The following VPS39 variants were observed in gnomAD, a reference collection of about 807,000 sequenced individuals.
VPS39 encodes the protein vam6/Vps39-like protein.
A neutral mutation model predicts 121.0 loss-of-function variants in VPS39; 70 were observed. That is an observed-to-expected ratio of 0.58 (90% CI 0.48 to 0.71). The LOEUF (loss-of-function observed/expected upper bound fraction) is 0.71. Ranked by LOEUF, VPS39 falls within the 30% of genes least tolerant of loss-of-function variation. The pLI, the probability that VPS39 is intolerant of heterozygous loss-of-function variation, is 0.00. For synonymous variants in VPS39, 378 were observed against 398.1 expected (o/e 0.95, Z 0.60); for missense variants, 818 against 1,051.5 (o/e 0.78, Z 3.07).
intron 2 of VPS39, among the ~76,000 whole-genome samples, chr15:42,198,842 T>A (rs1341388138): frequency 6.6e-6 from 1 of 152,224 alleles, no homozygotes; most frequent in African/African-American, 2.4e-5. Context: ...AAATATTTAT[T>A]CTTTGGACCT....
At chr15:42,162,671 C>T in intron 21 of VPS39, 190 bp from the exon 22 acceptor site, 2 of 593,742 alleles carry the variant, frequency 3.4e-6, no homozygotes, top group Non-Finnish European at 5.2e-6. Context: ...TTAAGGATTG[C>T]TTTTTCCCTG....
At chr15:42,186,494 G>A (rs983310506) in intron 7 of VPS39, among the ~76,000 whole-genome samples, 6 of 152,118 alleles carry the variant, frequency 3.9e-5, no homozygotes, top group African/African-American at 1.2e-4. Context: ...TAGAGAGAGA[G>A]GCTTCTAGAA....
At chr15:42,189,051 A>G in intron 5 of VPS39, 63 bp downstream of exon 5, 1 of 1,153,988 alleles carries the variant, frequency 8.7e-7, no homozygotes, top group South Asian at 1.2e-5. Flanking sequence ...AATGGTAGGA[A>G]TGATGTAGGA....
At chr15:42,192,287 T>C (rs2049844980) in intron 2 of VPS39, among the ~76,000 whole-genome samples, 1 of 152,186 alleles carries the variant, frequency 6.6e-6, no homozygotes, top group South Asian at 2.1e-4. Flanking sequence ...TAAAAATTTA[T>C]ATATATTTTT....
chr15:42,195,836 A>G (rs2049925178), intron 2 of VPS39, among the ~76,000 whole-genome samples: 1 of 152,152 alleles, frequency 6.6e-6, no homozygotes, highest in Admixed American at 6.6e-5. Flanking sequence ...AGTTCATATG[A>G]AACCAAAAAA....
chr15:42,205,304 G>C (rs138495177), intron 1 of VPS39, among the ~76,000 whole-genome samples: 28 of 152,222 alleles, frequency 1.8e-4, no homozygotes, highest in African/African-American at 6.3e-4. Flanking sequence ...AGAAGATAAG[G>C]CTAAGAAAAC....
chr15:42,189,255 T>G, intron 4 of VPS39, 47 bp from the exon 5 acceptor site: 147 of 1,488,286 alleles, frequency 9.9e-5, no homozygotes, highest in Non-Finnish European at 1.2e-4. Flanking sequence ...CATAATTCTC[T>G]AGCATAGCCA....
chr15:42,204,910 C>T (rs1008232832), intron 1 of VPS39, among the ~76,000 whole-genome samples: 1 of 152,010 alleles, frequency 6.6e-6, no homozygotes, highest in African/African-American at 2.4e-5. Flanking sequence ...GTGAAGTCTG[C>T]ATTTTTTACA....
At chr15:42,171,384 T>C (rs1566894602) in intron 11 of VPS39, among the ~76,000 whole-genome samples, 1 of 152,250 alleles carries the variant, frequency 6.6e-6, no homozygotes, top group South Asian at 2.1e-4. Flanking sequence ...AGCTCTGCCA[T>C]TCCATAGAGG....
At chr15:42,182,070 A>G (rs1021143668) in intron 8 of VPS39, among the ~76,000 whole-genome samples, 2 of 152,224 alleles carry the variant, frequency 1.3e-5, no homozygotes, top group East Asian at 3.8e-4. Context: ...TTATACTATC[A>G]ATGAATAGTA....
At chr15:42,176,593 G>A (rs185828345) in intron 10 of VPS39, among the ~76,000 whole-genome samples, 62 of 149,812 alleles carry the variant, frequency 4.1e-4, no homozygotes, top group Non-Finnish European at 1.5e-4. Flanking sequence ...GACAATGCAT[G>A]AGTAGAAAAA....
At position 42,165,728 on chromosome 15, in the gene VPS39, A is replaced by G; in HGVS notation, c.1769T>C (p.Ile590Thr). Residue 590 changes from isoleucine (I) to threonine (T), a missense_variant, in exon 17 of 25, where the codon ATT becomes ACT. Transcript: ENST00000318006. The stretch of plus-strand genomic sequence containing the variant: ...CAAAAAATACCTTACCAGATAAGGA[A>G]TAGCCAGACCCTTAAAATTCTCTAT... Reference protein sequence around the residue: ...FLIENFKGLAIPYLEHIIHVW... With the variant: ...FLIENFKGLATPYLEHIIHVW... 6.2e-7 allele frequency: 1 copy of G among 1,614,106 alleles called. No individual in the cohort carries two copies. The highest frequency in any genetic ancestry group is 1.3e-5 in the African/African-American group (1 of 75,048).
intron 2 of VPS39, among the ~76,000 whole-genome samples, chr15:42,194,525 G>C (rs766720614): frequency 6.6e-6 from 1 of 152,084 alleles, no homozygotes; most frequent in Non-Finnish European, 1.5e-5. Context: ...CTTGAGGCAA[G>C]GAGTTTGGGG....
In VPS39 at chr15:42,166,669, A is replaced by G; in HGVS notation, c.1520-20T>C. 6.2e-7 allele frequency: 1 copy of G among 1,614,158 alleles called. No homozygotes were observed. Among genetic ancestry groups the G allele is most frequent in the Non-Finnish European group, 8.5e-7 (1 of 1,180,018 alleles). On this transcript the variant is annotated intron_variant, in intron 14 of 24. Coordinates refer to ENST00000318006, the MANE Select transcript of VPS39 (RefSeq NM_015289.5). ...GCAGAGCTGGCCACCAAGCCCAAGAACAAGGTCATGAGCCTTTTCCCCACG... is the reference window on the plus strand; with the variant it reads ...GCAGAGCTGGCCACCAAGCCCAAGAGCAAGGTCATGAGCCTTTTCCCCACG...
At position 42,162,450 on chromosome 15, in the gene VPS39, G is replaced by A. The variant is rs138186819; in HGVS notation, c.2207C>T (p.Ser736Leu). Reference protein sequence around the residue: ...VYLSLLRMYLSPPSIHCLGPI... With the variant: ...VYLSLLRMYLLPPSIHCLGPI... ...CCCCAGGCAGTGAATGCTGGGGGGC[G>A]ACAGGTACATCCGAAGCAGGGACAG... Residue 736 changes from serine to leucine, a missense_variant, in exon 22 of 25, where the codon TCG (serine) becomes TTG (leucine). By Grantham distance (145) the Ser-to-Leu change is moderately radical. Transcript: ENST00000318006. The A allele has an allele frequency of 1.6e-5, 25 of 1,611,616 alleles. No individual in the cohort carries two copies. The highest frequency in any genetic ancestry group is 6.6e-5 in the South Asian group (6 of 90,784).
intron 13 of VPS39, 93 bp from the exon 14 acceptor site, chr15:42,167,006 T>C (rs1177259022): frequency 1.0e-5 from 16 of 1,548,032 alleles, no homozygotes; most frequent in East Asian, 4.5e-5. Context: ...AGGCCAGGAA[T>C]GTAGCACAAG....
intron 10 of VPS39, among the ~76,000 whole-genome samples, chr15:42,175,227 G>A (rs922853572): frequency 3.3e-5 from 5 of 151,794 alleles, no homozygotes; most frequent in Admixed American, 6.6e-5. Context: ...GGCCAACATG[G>A]TGAAACCCCG....
At chr15:42,195,634 AAGG>A (rs2049921340) in intron 2 of VPS39, among the ~76,000 whole-genome samples, 1 of 152,220 alleles carries the variant, frequency 6.6e-6, no homozygotes, top group Non-Finnish European at 1.5e-5. Flanking sequence ...GAACCTCTTC[AAGG>A]AGAACTACAA....
At chr15:42,193,768 T>C (rs2140881347) in intron 2 of VPS39, among the ~76,000 whole-genome samples, 1 of 152,248 alleles carries the variant, frequency 6.6e-6, no homozygotes, top group East Asian at 1.9e-4. Flanking sequence ...TAATTCTATT[T>C]TTTTTCTTAA....
Sources: allele counts gnomAD v4.1 joint callset (sites outside exome capture counted in the v4.1 genomes callset), GRCh38; gene constraint gnomAD v4.1.1; transcripts MANE v1.5; gene names NCBI Gene and HGNC (gene_info 2026-07-23, HGNC 2026-07-21).